SORL1: variants seen among roughly 807,000 people sequenced by gnomAD.
SORL1 encodes the protein sortilin related receptor 1.
SORL1 carries 127 observed loss-of-function variants against 273.7 expected under a neutral mutation model. The observed-to-expected ratio is 0.46, with a 90% CI of 0.40 to 0.54. The LOEUF is 0.54. Among genes scored for constraint, SORL1 ranks in the 20% least tolerant of loss-of-function variants. The pLI, the probability that SORL1 is intolerant of heterozygous loss-of-function variation, is 0.00. For synonymous variants in SORL1, 1,031 were observed against 1,067.4 expected (o/e 0.97, Z 0.66); for missense variants, 2,494 against 2,846.1 (o/e 0.88, Z 2.81).
rs764665011 is a variant in SORL1, at chr11:121,615,019, T to G, written c.5568T>G (p.Thr1856=). Residue 1856 remains threonine (T), a synonymous_variant, in exon 41 of 48, where the codon ACT becomes ACG. Coordinates refer to ENST00000260197, the MANE Select transcript of SORL1 (RefSeq NM_003105.6). The part of the protein sequence containing the change: ...PSLKAKAINQ[T]AVECTWTGPR... ...TCAAGGCCAAAGCCATCAACCAGAC[T>G]GCAGTGGAATGTACCTGGACCGGCC... is the stretch of plus-strand genomic sequence containing the variant. The G allele has an allele frequency of 1.2e-6, 2 of 1,610,550 alleles. No homozygotes were observed. Among genetic ancestry groups the G allele is most frequent in the Admixed American group, 1.7e-5 (1 of 58,878 alleles).
At chr11:121,537,681 C>T (rs1862285915) in intron 12 of SORL1, among the ~76,000 whole-genome samples, 1 of 152,200 alleles carries the variant, frequency 6.6e-6, no homozygotes, top group African/African-American at 2.4e-5. Context: ...TTGAACATTT[C>T]TATTAATGGG....
intron 13 of SORL1, 75 bp downstream of exon 13, chr11:121,543,801 G>T: frequency 7.2e-7 from 1 of 1,384,184 alleles, no homozygotes. Flanking sequence ...CACCAGCTTA[G>T]ATACTGTGTA....
chr11:121,569,248 G>A (rs1385426661), intron 22 of SORL1, among the ~76,000 whole-genome samples: 1 of 152,116 alleles, frequency 6.6e-6, no homozygotes, highest in Non-Finnish European at 1.5e-5. Flanking sequence ...TGTGATGATT[G>A]CATTAACTGC....
At chr11:121,467,241 G>A (rs2134778127) in intron 1 of SORL1, among the ~76,000 whole-genome samples, 1 of 152,182 alleles carries the variant, frequency 6.6e-6, no homozygotes, top group Non-Finnish European at 1.5e-5. Context: ...GTGTTAGCCA[G>A]GATGGGAGTT....
At chr11:121,602,199 A>G (rs540419451) in intron 32 of SORL1, among the ~76,000 whole-genome samples, 3 of 152,266 alleles carry the variant, frequency 2.0e-5, no homozygotes, top group East Asian at 3.9e-4. Flanking sequence ...TGGCAAACCA[A>G]TTTCAGCTCA....
At chr11:121,605,377 A>G (rs1220470522) in intron 34 of SORL1, 25 bp from the exon 35 acceptor site, 7 of 1,603,234 alleles carry the variant, frequency 4.4e-6, no homozygotes, top group Admixed American at 1.7e-5. Flanking sequence ...CAGTGTGACA[A>G]TATCTTTATT....
intron 14 of SORL1, among the ~76,000 whole-genome samples, chr11:121,549,300 A>G (rs370717276): frequency 2.9e-3 from 438 of 152,160 alleles, no homozygotes; most frequent in African/African-American, 0.01. Context: ...ACGGCTCACT[A>G]CAGCCTTGAC....
intron 32 of SORL1, among the ~76,000 whole-genome samples, chr11:121,600,745 G>A (rs889752072): frequency 6.6e-6 from 1 of 152,182 alleles, no homozygotes; most frequent in Non-Finnish European, 1.5e-5. Context: ...GATTAGTGTG[G>A]TGCGATTCTT....
chr11:121,626,428 A>G (rs1262491826), intron 46 of SORL1: 1 of 150,856 alleles, frequency 6.6e-6, no homozygotes, highest in Non-Finnish European at 1.5e-5. Context: ...ATAGGTTGGA[A>G]CATATTAAAT....
chr11:121,587,147 T>C (rs1863128611), intron 27 of SORL1, among the ~76,000 whole-genome samples: 2 of 152,224 alleles, frequency 1.3e-5, no homozygotes, highest in African/African-American at 4.8e-5. Flanking sequence ...CCTGCAATAG[T>C]TGCTTTCTAG....
chr11:121,513,436 G>T (rs1861908589), intron 7 of SORL1, among the ~76,000 whole-genome samples: 1 of 152,194 alleles, frequency 6.6e-6, no homozygotes, highest in African/African-American at 2.4e-5. Context: ...TTAAGTAACT[G>T]CTGGATTGCT....
chr11:121,530,088 C>T (rs1212690657), intron 11 of SORL1, among the ~76,000 whole-genome samples: 4 of 152,198 alleles, frequency 2.6e-5, no homozygotes, highest in African/African-American at 7.2e-5. Flanking sequence ...ATACAAGTCC[C>T]TTTTCTCCTC....
At chr11:121,574,090 T>G in intron 23 of SORL1, 151 bp from the exon 24 acceptor site, 1 of 709,816 alleles carries the variant, frequency 1.4e-6, no homozygotes, top group East Asian at 2.8e-5. Context: ...TCTCATGTAA[T>G]TTATGTCTTC....
At chr11:121,543,812 C>T in intron 13 of SORL1, 86 bp downstream of exon 13, 1 of 1,263,876 alleles carries the variant, frequency 7.9e-7, no homozygotes, top group South Asian at 1.4e-5. Flanking sequence ...ATACTGTGTA[C>T]TCAGAAGAGC....
chr11:121,518,480 A>C (rs1244407489), intron 8 of SORL1, among the ~76,000 whole-genome samples: 1 of 152,160 alleles, frequency 6.6e-6, no homozygotes, highest in Admixed American at 6.5e-5. Flanking sequence ...CTCGGGAAAG[A>C]AACAGGGCTC....
intron 1 of SORL1, among the ~76,000 whole-genome samples, chr11:121,464,287 TAA>T (rs1861049811): frequency 6.6e-6 from 1 of 152,162 alleles, no homozygotes; most frequent in South Asian, 2.1e-4. Flanking sequence ...ACCTCCTGCA[TAA>T]GCCTCAACAA....
intron 12 of SORL1, among the ~76,000 whole-genome samples, chr11:121,541,134 A>G (rs1187661821): frequency 6.6e-6 from 1 of 152,072 alleles, no homozygotes; most frequent in Non-Finnish European, 1.5e-5. Context: ...TTAGTCTCCC[A>G]TTGACATTTA....
intron 1 of SORL1, among the ~76,000 whole-genome samples, chr11:121,462,687 C>T (rs531071007): frequency 6.6e-5 from 10 of 152,284 alleles, no homozygotes; most frequent in East Asian, 5.8e-4. Context: ...TGGGCACAAG[C>T]GATCCTCCCA....
At chr11:121,573,780 C>T (rs1862883543) in intron 23 of SORL1, among the ~76,000 whole-genome samples, 1 of 152,228 alleles carries the variant, frequency 6.6e-6, no homozygotes, top group African/African-American at 2.4e-5. Flanking sequence ...TGACTGCAGA[C>T]AGAGCCTATG....
Sources: allele counts gnomAD v4.1 joint callset (sites outside exome capture counted in the v4.1 genomes callset), GRCh38; gene constraint gnomAD v4.1.1; transcripts MANE v1.5; gene names NCBI Gene and HGNC (gene_info 2026-07-23, HGNC 2026-07-21).